The following VAV2 variants were observed in gnomAD, a reference collection of about 807,000 sequenced individuals.
VAV2 encodes the protein vav guanine nucleotide exchange factor 2.
A neutral mutation model predicts 132.5 loss-of-function variants in VAV2; 67 were observed. That is an observed-to-expected ratio of 0.51 (90% CI 0.42 to 0.62). VAV2 has a LOEUF of 0.62. Among genes scored for constraint, VAV2 ranks in the 20% least tolerant of loss-of-function variants. The probability of loss-of-function intolerance (pLI) is 0.00; values close to 1 mark genes in which losing one functional copy is unlikely to be tolerated. For synonymous variants in VAV2, 492 were observed against 443.5 expected, an observed-to-expected ratio of 1.11 and a Z score of -1.37; for missense variants, 938 against 1,153.6, an observed-to-expected ratio of 0.81 and a Z score of 2.71.
intron 2 of VAV2, among the ~76,000 whole-genome samples, chr9:133,915,372 A>G (rs1840039769): frequency 6.6e-6 from 1 of 152,180 alleles, no homozygotes; most frequent in East Asian, 1.9e-4. Flanking sequence ...ATTCAGCACG[A>G]TCTGGCGTTC....
At chr9:133,780,382 C>T (rs1360436376) in intron 20 of VAV2, among the ~76,000 whole-genome samples, 1 of 152,214 alleles carries the variant, frequency 6.6e-6, no homozygotes, top group Non-Finnish European at 1.5e-5. Context: ...ACAGAGGGCT[C>T]TGAGCCAACT....
intron 2 of VAV2, among the ~76,000 whole-genome samples, chr9:133,868,422 C>T (rs1238243198): frequency 6.6e-6 from 1 of 152,214 alleles, no homozygotes. Flanking sequence ...TGCTGAGGCT[C>T]CCTGAGGCTC....
chr9:133,981,138 C>T (rs545137808), intron 1 of VAV2, among the ~76,000 whole-genome samples: 3 of 152,264 alleles, frequency 2.0e-5, no homozygotes, highest in Non-Finnish European at 4.4e-5. Context: ...CCTTCTTCAG[C>T]GTCCCGTGTT....
intron 5 of VAV2, 68 bp downstream of exon 5, chr9:133,812,046 T>G: frequency 6.5e-7 from 1 of 1,529,196 alleles, no homozygotes; most frequent in Non-Finnish European, 9.0e-7. Flanking sequence ...GGTATTGTGT[T>G]AAGCAAGGGC....
At chr9:133,903,756 A>G (rs1184826298) in intron 2 of VAV2, among the ~76,000 whole-genome samples, 4 of 152,126 alleles carry the variant, frequency 2.6e-5, no homozygotes, top group Non-Finnish European at 5.9e-5. Flanking sequence ...CAACAGGGGG[A>G]TGCTGGCGAG....
intron 1 of VAV2, among the ~76,000 whole-genome samples, chr9:133,946,028 C>T (rs1334938706): frequency 6.6e-6 from 1 of 152,242 alleles, no homozygotes; most frequent in Non-Finnish European, 1.5e-5. Context: ...GGCCATCTCA[C>T]TGGGGAAGTC....
At chr9:133,964,413 AATAT>A in intron 1 of VAV2, among the ~76,000 whole-genome samples, 1 of 151,952 alleles carries the variant, frequency 6.6e-6, no homozygotes, top group Admixed American at 6.6e-5. Context: ...CATTTGCATA[AATAT>A]ATATAATACA....
rs1257714273 is a variant in VAV2, at chr9:133,824,450, T to C, written c.449+9822A>G. Among the ~76,000 whole-genome samples, 1 of 151,700 alleles carries C rather than the reference T, an allele frequency of 6.6e-6. No individual in the cohort carries two copies. The highest frequency in any genetic ancestry group is 2.4e-5 in the African/African-American group (1 of 41,224). On this transcript the variant is annotated intron_variant, in intron 4 of 29. Transcript: ENST00000371850. The surrounding 1 kb of genome is among the most constrained non-coding windows in gnomAD (Gnocchi z 5.2). ...CATAGAAGAGACCCAGCCAGGACACTCTTAAAACCCCAGCCCAAAACAAGG... is the reference window on the plus strand; with the variant it reads ...CATAGAAGAGACCCAGCCAGGACACCCTTAAAACCCCAGCCCAAAACAAGG...
chr9:133,919,589 C>T lies in VAV2; in HGVS notation c.321+19514G>A, dbSNP rs1212228187. 2.6e-5 allele frequency among the ~76,000 whole-genome samples: 4 copies of T among 152,174 alleles called. No individual in the cohort carries two copies. Among genetic ancestry groups the T allele is most frequent in the African/African-American group, 4.8e-5 (2 of 41,422 alleles). On this transcript the variant is annotated intron_variant, in intron 2 of 29. Coordinates refer to ENST00000371850, the MANE Select transcript of VAV2 (RefSeq NM_001134398.2). The surrounding 1 kb of genome is among the most constrained non-coding windows in gnomAD (Gnocchi z 5.8). ...TCAGCAAGGGAAGCCACCAGGACAC[C>T]GGGTTTTTCCTGAACATTCCTCCCA...
chr9:133,819,435 C>T (rs1220179035), intron 4 of VAV2, among the ~76,000 whole-genome samples: 1 of 147,090 alleles, frequency 6.8e-6, no homozygotes, highest in Non-Finnish European at 1.5e-5. Context: ...GGCGACAGAG[C>T]GAGGCTCCGT....
In VAV2 at chr9:133,990,141, A is replaced by G. The variant is rs148824189; in HGVS notation, c.204+1934T>C. ...TGGGAGGGGACAGTGCCAGGATTCA[A>G]TCAGAGCGGAGAGCCACACAGACAC... On this transcript the variant is annotated intron_variant, in intron 1 of 29. Transcript: ENST00000371850. Among the ~76,000 whole-genome samples the G allele has an allele frequency of 1.1e-3, 169 of 152,220 alleles. 1 individual carries two copies. The highest frequency in any genetic ancestry group is 4.0e-3 in the African/African-American group (165 of 41,534).
At chr9:133,901,838 G>A (rs946918713) in intron 2 of VAV2, among the ~76,000 whole-genome samples, 5 of 152,250 alleles carry the variant, frequency 3.3e-5, no homozygotes, top group South Asian at 2.1e-4. Flanking sequence ...CCCAGGAGAC[G>A]GGCCGATGGG....
chr9:133,933,925 G>C (rs141237830), intron 2 of VAV2, among the ~76,000 whole-genome samples: 1 of 51,918 alleles, frequency 1.9e-5, no homozygotes, highest in South Asian at 1.1e-3. Flanking sequence ...TGGATGATGG[G>C]TGAATGGATG....
rs987389923 is a variant in VAV2 at position 133,824,794 on chromosome 9, A to G, written c.449+9478T>C. ...AGAGACAGAGCTGGGCTCAAATTGCAGCTCTGCCCCCTAGTTCTGTACGAC... is the reference window on the plus strand; with the variant it reads ...AGAGACAGAGCTGGGCTCAAATTGCGGCTCTGCCCCCTAGTTCTGTACGAC... On this transcript the variant is annotated intron_variant, in intron 4 of 29. Transcript: ENST00000371850. This position sits in a 1 kb window ranked among gnomAD's most constrained non-coding sequence, Gnocchi z 5.2. Among the ~76,000 whole-genome samples, 1 of 152,142 alleles carries G rather than the reference A, an allele frequency of 6.6e-6. No homozygotes were observed. Among genetic ancestry groups the G allele is most frequent in the African/African-American group, 2.4e-5 (1 of 41,446 alleles).
At position 133,808,963 on chromosome 9, in the gene VAV2, C is replaced by T. The variant is rs997139748; in HGVS notation, c.666+77G>A. The T allele has an allele frequency of 4.4e-6, 6 of 1,352,494 alleles. No individual in the cohort carries two copies. The Admixed American group carries it at 9.5e-5, about 21-fold the overall frequency. The allele number at this position is 1,352,494 out of a possible 1,614,324, so 83.8% of individuals were successfully genotyped here. On this transcript the variant is annotated intron_variant, in intron 7 of 29. Coordinates refer to ENST00000371850, the MANE Select transcript of VAV2 (RefSeq NM_001134398.2). The stretch of plus-strand genomic sequence containing the variant: ...GCCCTATGGCCCTGCCTCCGGAATG[C>T]ACTCCCAGGAGATAGGTGGCCCTGC...
chr9:133,888,532 G>C (rs1838803442), intron 2 of VAV2, among the ~76,000 whole-genome samples: 1 of 152,188 alleles, frequency 6.6e-6, no homozygotes, highest in Non-Finnish European at 1.5e-5. Context: ...TCATGGGGCA[G>C]TTTCCATAGA....
intron 20 of VAV2, 61 bp downstream of exon 20, chr9:133,780,633 T>C: frequency 8.5e-7 from 1 of 1,180,834 alleles, no homozygotes; most frequent in Non-Finnish European, 1.1e-6. Context: ...TTTCTGGCTC[T>C]GCGCACACAG....
At position 133,785,906 on chromosome 9, in the gene VAV2, A is replaced by G. The variant is rs1194922472; in HGVS notation, c.1423-21T>C. ...GACCACTGCAGGGGGGAGAGGGGCC[A>G]TGCTTGCAATAGACACGGCTTCAGA... is the stretch of plus-strand genomic sequence containing the variant. On this transcript the variant is annotated intron_variant, in intron 16 of 29. Transcript: ENST00000371850. 3 of 1,603,200 alleles carry G rather than the reference A, an allele frequency of 1.9e-6. No homozygotes were observed. The East Asian group carries it at 6.7e-5, about 36-fold the overall frequency.
At chr9:133,855,659 G>GAAGACCAAAAGGTGGGTCCTTGAAGCCAT (rs1837357589) in intron 3 of VAV2, among the ~76,000 whole-genome samples, 2 of 152,230 alleles carry the variant, frequency 1.3e-5, no homozygotes, top group Non-Finnish European at 2.9e-5. Flanking sequence ...CCGCACATGG[G>GAAGACCAAAAGGTGGGTCCTTGAAGCCAT]AAGACCAAAA....
Sources: gnomAD v4.1 joint callset for allele counts (sites outside exome capture counted in the v4.1 genomes callset) on GRCh38, gnomAD v4.1.1 for gene constraint, Gnocchi (gnomAD v3.1) non-coding constraint, MANE v1.5 for transcripts, NCBI Gene and HGNC (gene_info 2026-07-23, HGNC 2026-07-21) for gene names.